Variants in CDH12 observed in about 807,000 individuals in gnomAD.
CDH12 encodes cadherin-12.
A neutral mutation model predicts 74.1 loss-of-function variants in CDH12; 41 were observed. The observed-to-expected ratio is 0.55, with a 90% CI of 0.43 to 0.72. CDH12 has a LOEUF of 0.72. Ranked by LOEUF, CDH12 falls within the 30% of genes least tolerant of loss-of-function variation. The probability of loss-of-function intolerance (pLI) is 0.00; values close to 1 mark genes in which losing one functional copy is unlikely to be tolerated. For synonymous variants in CDH12, 399 were observed against 355.0 expected, an observed-to-expected ratio of 1.12 and a Z score of -1.39; for missense variants, 945 against 977.2, an observed-to-expected ratio of 0.97 and a Z score of 0.44.
intron 3 of CDH12, among the ~76,000 whole-genome samples, chr5:22,315,133 T>TTTTTTTTTTTA (rs1738573808): frequency 8.4e-6 from 1 of 119,068 alleles, no homozygotes; most frequent in Non-Finnish European, 1.8e-5. Flanking sequence ...TTTTTTTTTT[T>TTTTTTTTTTTA]TTTTTTTTTT....
chr5:22,169,659 G>T (rs1055557469), intron 4 of CDH12, among the ~76,000 whole-genome samples: 1 of 149,022 alleles, frequency 6.7e-6, no homozygotes, highest in African/African-American at 2.4e-5. Flanking sequence ...ATTTTATCAT[G>T]CAAGGGGAAA....
intron 1 of CDH12, among the ~76,000 whole-genome samples, chr5:22,658,214 T>C (rs1269556953): frequency 1.3e-5 from 2 of 152,078 alleles, no homozygotes; most frequent in Admixed American, 1.3e-4. Flanking sequence ...GTGACAACAA[T>C]GCAAATTTAT....
At chr5:22,506,201 A>G (rs989196082) in intron 1 of CDH12, among the ~76,000 whole-genome samples, 11 of 152,154 alleles carry the variant, frequency 7.2e-5, no homozygotes, top group African/African-American at 2.4e-4. Flanking sequence ...AGCAGCCCAC[A>G]GTCAAGGGAT....
At chr5:21,826,291 A>T (rs779191702) in intron 8 of CDH12, among the ~76,000 whole-genome samples, 7 of 152,140 alleles carry the variant, frequency 4.6e-5, no homozygotes, top group Non-Finnish European at 1.0e-4. Context: ...GAGATCATAG[A>T]CTTGCCATGC....
chr5:22,216,737 G>T (rs373672084), intron 3 of CDH12, among the ~76,000 whole-genome samples: 1 of 151,812 alleles, frequency 6.6e-6, no homozygotes, highest in Admixed American at 6.6e-5. Context: ...CCGGTTTCAC[G>T]CACATATACT....
chr5:22,783,716 G>C (rs1436365625), intron 1 of CDH12, among the ~76,000 whole-genome samples: 2 of 152,146 alleles, frequency 1.3e-5, no homozygotes, highest in Admixed American at 6.6e-5. Context: ...AGGGTGACCA[G>C]TCCTAGCCCA....
chr5:22,211,005 T>G (rs1016783370), intron 4 of CDH12, among the ~76,000 whole-genome samples: 4 of 152,206 alleles, frequency 2.6e-5, no homozygotes, highest in African/African-American at 9.6e-5. Flanking sequence ...ACAAACATAC[T>G]GGTAGCCAAG....
chr5:22,246,424 A>G lies in CDH12; in HGVS notation c.-332-33781T>C, dbSNP rs533996946. Among the ~76,000 whole-genome samples the G allele has an allele frequency of 2.6e-5, 4 of 152,266 alleles. No homozygotes were observed. In the South Asian group the frequency reaches 8.3e-4, roughly 32 times the overall value. ...AGAACCAAAAATTTCTTAGAAACTA[A>G]TTATTTCTAACATGTAGGCTTTGAA... is the stretch of plus-strand genomic sequence containing the variant. On this transcript the variant is annotated intron_variant, in intron 3 of 14. Coordinates refer to ENST00000382254, the MANE Select transcript of CDH12 (RefSeq NM_004061.5).
In CDH12 at chr5:21,816,944, C is replaced by T. The variant is rs746658599; in HGVS notation, c.1002+1G>A. 1.3e-6 allele frequency: 2 copies of T among 1,593,854 alleles called. No homozygotes were observed. Among genetic ancestry groups the T allele is most frequent in the Non-Finnish European group, 1.7e-6 (2 of 1,167,174 alleles). On this transcript the variant is annotated splice_donor_variant, in intron 9 of 14. Coordinates refer to ENST00000382254, the MANE Select transcript of CDH12 (RefSeq NM_004061.5). LOFTEE classifies it high-confidence loss of function. ...AACTGTCCCAACATTTGTCTATATA[C>T]CTTTTTCAATTTGATGACTCCCTCT...
At chr5:22,839,182 A>G (rs1259206824) in intron 1 of CDH12, among the ~76,000 whole-genome samples, 1 of 152,172 alleles carries the variant, frequency 6.6e-6, no homozygotes, top group African/African-American at 2.4e-5. Context: ...ATATCATGCT[A>G]CAACAAAAGG....
At chr5:22,245,745 C>A (rs971958929) in intron 3 of CDH12, among the ~76,000 whole-genome samples, 1 of 151,740 alleles carries the variant, frequency 6.6e-6, no homozygotes, top group Non-Finnish European at 1.5e-5. Flanking sequence ...TGGGGAAAAT[C>A]CAGTGAGATC....
At chr5:22,659,055 T>C (rs947871441) in intron 1 of CDH12, among the ~76,000 whole-genome samples, 4 of 152,120 alleles carry the variant, frequency 2.6e-5, no homozygotes, top group Non-Finnish European at 5.9e-5. Flanking sequence ...GGCCTGGAAT[T>C]AAAACAGCAG....
intron 8 of CDH12, among the ~76,000 whole-genome samples, chr5:21,832,873 TATGATATA>T (rs1749125993): frequency 1.7e-5 from 1 of 57,556 alleles, no homozygotes; most frequent in African/African-American, 1.5e-4. Context: ...TCATATGATA[TATGATATA>T]ATATTAATAT....
At chr5:22,370,451 G>C (rs914220562) in intron 3 of CDH12, among the ~76,000 whole-genome samples, 1 of 152,092 alleles carries the variant, frequency 6.6e-6, no homozygotes, top group African/African-American at 2.4e-5. Flanking sequence ...GTAATTTTTT[G>C]TGTGAATAAA....
At chr5:21,845,257 C>T (rs189469916) in intron 7 of CDH12, among the ~76,000 whole-genome samples, 54 of 152,192 alleles carry the variant, frequency 3.5e-4, no homozygotes, top group Middle Eastern at 3.4e-3. Flanking sequence ...GGTAGGGGAT[C>T]ATTTGAATAA....
chr5:22,628,752 T>A (rs933292618), intron 1 of CDH12, among the ~76,000 whole-genome samples: 1 of 151,732 alleles, frequency 6.6e-6, no homozygotes, highest in African/African-American at 2.4e-5. Context: ...CAAAATCAAA[T>A]CTGAACTGAA....
At chr5:21,888,035 C>G (rs563568375) in intron 6 of CDH12, among the ~76,000 whole-genome samples, 15 of 151,722 alleles carry the variant, frequency 9.9e-5, no homozygotes, top group Admixed American at 2.0e-4. Context: ...ACAATAACAA[C>G]AACAACAACA....
intron 6 of CDH12, among the ~76,000 whole-genome samples, chr5:21,868,905 G>A (rs1323751869): frequency 2.6e-5 from 4 of 152,126 alleles, no homozygotes; most frequent in African/African-American, 4.8e-5. Flanking sequence ...TTGAGGGCCA[G>A]GGTGGATTAT....
At chr5:22,052,141 C>T (rs1371192265) in intron 5 of CDH12, among the ~76,000 whole-genome samples, 1 of 152,120 alleles carries the variant, frequency 6.6e-6, no homozygotes, top group Non-Finnish European at 1.5e-5. Context: ...TGAAAGCCTT[C>T]AGCACTTTGT....
Sources: allele counts gnomAD v4.1 joint callset (sites outside exome capture counted in the v4.1 genomes callset), GRCh38; gene constraint gnomAD v4.1.1; transcripts MANE v1.5; gene names NCBI Gene and HGNC (gene_info 2026-07-23, HGNC 2026-07-21).